MYLK: variants seen among roughly 807,000 people sequenced by gnomAD.
MYLK encodes the protein myosin light chain kinase.
MYLK carries 106 observed loss-of-function variants against 203.4 expected under a neutral mutation model. That is an observed-to-expected ratio of 0.52 (90% CI 0.45 to 0.61). The LOEUF is 0.61. MYLK is among the 20% of genes least tolerant of loss of function. The pLI, the probability that MYLK is intolerant of heterozygous loss-of-function variation, is 0.00. For missense variants in MYLK, 2,072 were observed against 2,442.3 expected (o/e 0.85, Z 3.20); for synonymous variants, 867 against 959.5 (o/e 0.90, Z 1.78).
At chr3:123,763,508 A>G (rs990084954) in intron 4 of MYLK, among the ~76,000 whole-genome samples, 3 of 152,240 alleles carry the variant, frequency 2.0e-5, no homozygotes, top group Non-Finnish European at 4.4e-5. Context: ...AAGTATCCAC[A>G]TTCTACCTTT....
intron 4 of MYLK, among the ~76,000 whole-genome samples, chr3:123,762,888 C>A (rs923282495): frequency 6.6e-6 from 1 of 152,174 alleles, no homozygotes; most frequent in East Asian, 1.9e-4. Context: ...AAATGAATTC[C>A]TATTGTTTAT....
At chr3:123,801,585 C>T (rs1213316636) in intron 3 of MYLK, among the ~76,000 whole-genome samples, 2 of 152,152 alleles carry the variant, frequency 1.3e-5, no homozygotes, top group African/African-American at 4.8e-5. Context: ...TCCCTTTTCC[C>T]TCCTCTAGCA....
intron 16 of MYLK, among the ~76,000 whole-genome samples, chr3:123,703,290 T>A (rs1400725409): frequency 2.6e-5 from 4 of 152,150 alleles, no homozygotes. Context: ...GAGAAGCCAA[T>A]CGTTGCTGTC....
intron 2 of MYLK, among the ~76,000 whole-genome samples, chr3:123,849,832 G>A: frequency 6.6e-6 from 1 of 152,024 alleles, no homozygotes; most frequent in Non-Finnish European, 1.5e-5. Flanking sequence ...CCCTGTTGGT[G>A]TGCTGCACCC....
intron 20 of MYLK, among the ~76,000 whole-genome samples, chr3:123,672,157 G>T (rs2108380565): frequency 6.6e-6 from 1 of 151,512 alleles, no homozygotes; most frequent in African/African-American, 2.4e-5. Context: ...AGTCCAATTT[G>T]GTGTCCTTAT....
intron 2 of MYLK, among the ~76,000 whole-genome samples, chr3:123,858,670 T>C (rs2031626767): frequency 1.3e-5 from 2 of 152,234 alleles, no homozygotes; most frequent in East Asian, 1.9e-4. Context: ...AATCTATTCA[T>C]TAACCTATTA....
At chr3:123,704,763 A>T (rs2108614848) in intron 16 of MYLK, among the ~76,000 whole-genome samples, 1 of 150,446 alleles carries the variant, frequency 6.6e-6, no homozygotes, top group East Asian at 2.0e-4. Flanking sequence ...AAAAAAAAAA[A>T]AAAAAAATTA....
chr3:123,740,709 C>T (rs192945155), intron 5 of MYLK, among the ~76,000 whole-genome samples: 3 of 152,210 alleles, frequency 2.0e-5, no homozygotes, highest in East Asian at 3.9e-4. Flanking sequence ...CAGTCCTGGG[C>T]AAGGCGCTGC....
chr3:123,879,158 C>T (rs2033353264), intron 1 of MYLK, among the ~76,000 whole-genome samples: 1 of 152,228 alleles, frequency 6.6e-6, no homozygotes, highest in South Asian at 2.1e-4. Flanking sequence ...CTACGGGCCT[C>T]TGGGCTTTCA....
chr3:123,726,905 G>T (rs2062308756), intron 11 of MYLK, among the ~76,000 whole-genome samples: 1 of 152,170 alleles, frequency 6.6e-6, no homozygotes, highest in African/African-American at 2.4e-5. Flanking sequence ...TGGATTTGGT[G>T]CTTAGAAGAT....
At chr3:123,698,940 G>A (rs1156522006) in intron 18 of MYLK, 1 of 152,246 alleles carries the variant, frequency 6.6e-6, no homozygotes, top group Non-Finnish European at 1.5e-5. Context: ...CAGCCCACAG[G>A]AAGAGCACTC....
intron 4 of MYLK, among the ~76,000 whole-genome samples, chr3:123,761,022 G>A (rs2063517487): frequency 6.6e-6 from 1 of 152,196 alleles, no homozygotes; most frequent in Admixed American, 6.5e-5. Flanking sequence ...GGATGGGTGA[G>A]TGTCAGGAAA....
chr3:123,792,140 A>G (rs73201814), intron 4 of MYLK, among the ~76,000 whole-genome samples: 2 of 152,362 alleles, frequency 1.3e-5, no homozygotes, highest in Non-Finnish European at 2.9e-5. Context: ...CACCAAGGTC[A>G]GCAAAGGAAG....
intron 18 of MYLK, among the ~76,000 whole-genome samples, chr3:123,696,009 A>G (rs2060910057): frequency 6.6e-6 from 1 of 152,202 alleles, no homozygotes; most frequent in African/African-American, 2.4e-5. Flanking sequence ...CTAGGGGTAC[A>G]GGAAGAGGAA....
rs545034370 is a variant in MYLK, at chr3:123,837,074, T to C, written c.-126-5404A>G. On this transcript the variant is annotated intron_variant, in intron 2 of 33. Transcript: ENST00000360304. Reference sequence around the variant, plus strand: ...ATTTTTTTGAGACGGAGTTTCGCTCTTGTTGCCCAGGCTGGAGTGCAATGG... The same window carrying C: ...ATTTTTTTGAGACGGAGTTTCGCTCCTGTTGCCCAGGCTGGAGTGCAATGG... 2.0e-5 allele frequency among the ~76,000 whole-genome samples: 3 copies of C among 152,272 alleles called. No individual in the cohort carries two copies. The South Asian group carries it at 6.2e-4, about 32-fold the overall frequency.
intron 11 of MYLK, among the ~76,000 whole-genome samples, chr3:123,726,718 A>G (rs975326499): frequency 2.0e-5 from 3 of 152,160 alleles, no homozygotes; most frequent in Non-Finnish European, 4.4e-5. Context: ...GTTTGAATGC[A>G]CATTCTGGTT....
intron 2 of MYLK, among the ~76,000 whole-genome samples, chr3:123,852,665 C>G (rs1264128051): frequency 6.6e-6 from 1 of 151,982 alleles, no homozygotes; most frequent in East Asian, 1.9e-4. Flanking sequence ...TTTTGCTGAT[C>G]TTTTCAAAAA....
chr3:123,767,743 G>A (rs1475101283), intron 4 of MYLK, among the ~76,000 whole-genome samples: 3 of 152,240 alleles, frequency 2.0e-5, no homozygotes, highest in African/African-American at 7.2e-5. Context: ...GTGGGTGTCA[G>A]TCCCATGGGG....
At chr3:123,791,476 G>A (rs2064780129) in intron 4 of MYLK, among the ~76,000 whole-genome samples, 1 of 152,216 alleles carries the variant, frequency 6.6e-6, no homozygotes, top group South Asian at 2.1e-4. Context: ...CACACTTGCA[G>A]CATGCTAGCT....
Sources: gnomAD v4.1 joint callset for allele counts (sites outside exome capture counted in the v4.1 genomes callset) on GRCh38, gnomAD v4.1.1 for gene constraint, MANE v1.5 for transcripts, NCBI Gene and HGNC (gene_info 2026-07-23, HGNC 2026-07-21) for gene names.